Variants in EYS observed in about 807,000 individuals in gnomAD.
EYS encodes protein eyes shut homolog.
A neutral mutation model predicts 282.1 loss-of-function variants in EYS; 250 were observed. The ratio of observed to expected loss-of-function variants is 0.89; its 90% CI spans 0.80 to 0.98. EYS has a LOEUF of 0.98. EYS is among the 50% of genes least tolerant of loss of function. The pLI is 0.00. For missense variants in EYS, 4,016 were observed against 3,709.0 expected (o/e 1.08, Z -2.15); for synonymous variants, 1,355 against 1,282.9 (o/e 1.06, Z -1.20).
chr6:64,943,507 T>C (rs1395484968), intron 15 of EYS, among the ~76,000 whole-genome samples: 1 of 152,072 alleles, frequency 6.6e-6, no homozygotes, highest in Non-Finnish European at 1.5e-5. Flanking sequence ...TACAAATCAG[T>C]AACATTTCTA....
intron 19 of EYS, among the ~76,000 whole-genome samples, chr6:64,835,278 T>C (rs1765347603): frequency 6.6e-6 from 1 of 151,650 alleles, no homozygotes; most frequent in African/African-American, 2.4e-5. Context: ...AAGTATTAAT[T>C]TGGGGTTGAG....
intron 12 of EYS, among the ~76,000 whole-genome samples, chr6:65,123,868 T>C (rs1775642611): frequency 6.6e-6 from 1 of 152,018 alleles, no homozygotes; most frequent in South Asian, 2.1e-4. Context: ...AAACAGTCAC[T>C]TTATCAGAAG....
chr6:65,480,515 CT>C (rs1158172673), intron 5 of EYS, among the ~76,000 whole-genome samples: 4 of 151,970 alleles, frequency 2.6e-5, no homozygotes, highest in Admixed American at 6.6e-5. Flanking sequence ...CTGCCATTTC[CT>C]CAAATGGTAA....
chr6:64,896,842 A>G (rs1361628458), intron 18 of EYS, among the ~76,000 whole-genome samples: 1 of 152,190 alleles, frequency 6.6e-6, no homozygotes, highest in South Asian at 2.1e-4. Flanking sequence ...CAGGAAGTTC[A>G]GACTGGTGGA....
intron 5 of EYS, among the ~76,000 whole-genome samples, chr6:65,471,394 T>G (rs1381307067): frequency 1.3e-5 from 2 of 151,920 alleles, no homozygotes; most frequent in African/African-American, 4.8e-5. Context: ...AGACCCTGTT[T>G]TAAAAACAAA....
chr6:65,569,305 C>T (rs1764398560), intron 2 of EYS, among the ~76,000 whole-genome samples: 1 of 151,994 alleles, frequency 6.6e-6, no homozygotes, highest in African/African-American at 2.4e-5. Flanking sequence ...CCCTTATTTC[C>T]CTTCACTGAC....
At chr6:63,812,768 A>AGTT (rs2149682078) in intron 36 of EYS, among the ~76,000 whole-genome samples, 1 of 152,254 alleles carries the variant, frequency 6.6e-6, no homozygotes, top group East Asian at 1.9e-4. Context: ...TACTGGATGA[A>AGTT]GTTGTGAAGT....
intron 26 of EYS, among the ~76,000 whole-genome samples, chr6:64,583,612 A>G (rs529083180): frequency 1.1e-4 from 17 of 152,156 alleles, no homozygotes; most frequent in Admixed American, 2.6e-4. Context: ...CTTGACCAAC[A>G]TGGAGAAACC....
At chr6:64,385,190 CCTAT>C in intron 29 of EYS, among the ~76,000 whole-genome samples, 1 of 152,206 alleles carries the variant, frequency 6.6e-6, no homozygotes, top group Admixed American at 6.5e-5. Flanking sequence ...GGCTGAATTT[CCTAT>C]CTTTCTTTTT....
intron 35 of EYS, among the ~76,000 whole-genome samples, chr6:63,917,795 T>C (rs1764463579): frequency 6.6e-6 from 1 of 152,228 alleles, no homozygotes; most frequent in Admixed American, 6.5e-5. Context: ...CATTGGTGTG[T>C]AGGCATCACT....
chr6:64,803,246 A>AGTG (rs977709864), intron 22 of EYS, among the ~76,000 whole-genome samples: 5 of 152,040 alleles, frequency 3.3e-5, no homozygotes, highest in African/African-American at 1.2e-4. Context: ...GCAAATCTGG[A>AGTG]GTGGGTACCT....
chr6:65,621,687 G>C (rs970562005), intron 2 of EYS, among the ~76,000 whole-genome samples: 17 of 151,958 alleles, frequency 1.1e-4, no homozygotes, highest in African/African-American at 4.1e-4. Context: ...TGCAGCGGCT[G>C]GTATTGGTTG....
intron 24 of EYS, among the ~76,000 whole-genome samples, chr6:64,598,521 A>G (rs1582939120): frequency 1.3e-5 from 2 of 152,200 alleles, no homozygotes; most frequent in African/African-American, 2.4e-5. Context: ...AGTAATTTCT[A>G]TGAAACATCA....
chr6:64,042,569 A>T (rs1346891423), intron 33 of EYS, among the ~76,000 whole-genome samples: 1 of 152,194 alleles, frequency 6.6e-6, no homozygotes, highest in Admixed American at 6.6e-5. Context: ...TGCCTTGGGA[A>T]GAAAGCTCTT....
intron 34 of EYS, among the ~76,000 whole-genome samples, chr6:63,997,814 G>T (rs1334720960): frequency 2.0e-5 from 3 of 152,156 alleles, no homozygotes; most frequent in Admixed American, 1.3e-4. Flanking sequence ...TAATGTAGAA[G>T]TTGGTAGCAT....
At chr6:64,158,785 G>C (rs1028577523) in intron 31 of EYS, among the ~76,000 whole-genome samples, 1 of 148,426 alleles carries the variant, frequency 6.7e-6, no homozygotes, top group African/African-American at 2.6e-5. Context: ...ATTAATACTC[G>C]CTAACCACAA....
chr6:64,621,012 T>C (rs1221220635), intron 23 of EYS, among the ~76,000 whole-genome samples: 1 of 152,014 alleles, frequency 6.6e-6, no homozygotes, highest in Admixed American at 6.6e-5. Flanking sequence ...TTGGAGTAAA[T>C]TTTTACTAAT....
At chr6:65,176,280 T>C (rs968619357) in intron 12 of EYS, among the ~76,000 whole-genome samples, 3 of 151,606 alleles carry the variant, frequency 2.0e-5, no homozygotes, top group Non-Finnish European at 4.4e-5. Context: ...AATTCTACTC[T>C]TCATCAGTTG....
At chr6:63,845,493 C>T (rs1772075139) in intron 36 of EYS, among the ~76,000 whole-genome samples, 1 of 151,770 alleles carries the variant, frequency 6.6e-6, no homozygotes, top group Admixed American at 6.6e-5. Context: ...ACCGCAGCAC[C>T]ACACTGCCCT....
Sources: gnomAD v4.1 joint callset for allele counts (sites outside exome capture counted in the v4.1 genomes callset) on GRCh38, gnomAD v4.1.1 for gene constraint, MANE v1.5 for transcripts, NCBI Gene and HGNC (gene_info 2026-07-23, HGNC 2026-07-21) for gene names.